Variants in UNC13C observed in about 807,000 individuals in gnomAD.
The protein encoded by UNC13C is unc-13 homolog C.
Under a neutral mutation model 245.4 loss-of-function variants are expected in UNC13C, and 174 were observed. The ratio of observed to expected loss-of-function variants is 0.71; its 90% CI spans 0.63 to 0.80. UNC13C has a LOEUF of 0.80. Ranked by LOEUF, UNC13C falls within the 30% of genes least tolerant of loss-of-function variation. The pLI, the probability that UNC13C is intolerant of heterozygous loss-of-function variation, is 0.00. For missense variants in UNC13C, 2,829 were observed against 2,602.9 expected (o/e 1.09, Z -1.89); for synonymous variants, 992 against 895.1 (o/e 1.11, Z -1.93).
At chr15:54,385,846 C>T (rs1171626933) in intron 17 of UNC13C, among the ~76,000 whole-genome samples, 1 of 151,850 alleles carries the variant, frequency 6.6e-6, no homozygotes, top group Non-Finnish European at 1.5e-5. Context: ...TATTATATAT[C>T]AATAAAAGGA....
intron 4 of UNC13C, among the ~76,000 whole-genome samples, chr15:54,153,193 C>G (rs1423698402): frequency 1.3e-5 from 2 of 152,032 alleles, no homozygotes; most frequent in African/African-American, 4.8e-5. Flanking sequence ...CAAAATCTAT[C>G]TAAGACTAGC....
intron 19 of UNC13C, among the ~76,000 whole-genome samples, chr15:54,447,814 A>G (rs1031198018): frequency 6.6e-6 from 1 of 152,126 alleles, no homozygotes; most frequent in Non-Finnish European, 1.5e-5. Context: ...GCCTTCTGCT[A>G]GCTTTTGAAT....
chr15:53,864,897 C>T, the UNC13C span, among the ~76,000 whole-genome samples: 7 of 152,232 alleles, frequency 4.6e-5, no homozygotes, highest in Non-Finnish European at 7.4e-5. Flanking sequence ...ATATTCTAGA[C>T]AAATCTGAGT....
Position 54,332,305 on chromosome 15 carries a change from C to CTGTGTGTGTGTGTG in UNC13C, c.4494+214_4494+227dup, listed in dbSNP as rs34179914. On this transcript the variant is annotated intron_variant, in intron 15 of 32. Coordinates refer to ENST00000260323, the MANE Select transcript of UNC13C (RefSeq NM_001080534.3). ...GCCCCACGTAGACTACAACAATACT[C>CTGTGTGTGTGTGTG]TGTGTGTGTGTGTGTGTGTGTGTGT... Among the ~76,000 whole-genome samples, 1,013 of 145,652 alleles carry CTGTGTGTGTGTGTG rather than the reference C, an allele frequency of 7.0e-3. 15 individuals are homozygous for CTGTGTGTGTGTGTG. The highest frequency in any genetic ancestry group is 0.024 in the African/African-American group (930 of 39,152).
chr15:54,011,897 T>C (rs1895396117), intron 1 of UNC13C, among the ~76,000 whole-genome samples: 1 of 152,202 alleles, frequency 6.6e-6, no homozygotes, highest in Non-Finnish European at 1.5e-5. Context: ...AGACAATCTG[T>C]AGTTTATGAT....
At chr15:54,591,047 G>A (rs1358511421) in intron 30 of UNC13C, among the ~76,000 whole-genome samples, 1 of 152,120 alleles carries the variant, frequency 6.6e-6, no homozygotes, top group African/African-American at 2.4e-5. Context: ...CTATTGAGAT[G>A]ATCATGTGAT....
At chr15:54,089,417 A>G (rs1258945835) in intron 2 of UNC13C, among the ~76,000 whole-genome samples, 2 of 152,154 alleles carry the variant, frequency 1.3e-5, no homozygotes, top group African/African-American at 4.8e-5. Flanking sequence ...CAGAATGGCC[A>G]GAGAAGCAAA....
intron 4 of UNC13C, among the ~76,000 whole-genome samples, chr15:54,215,764 G>A (rs1036605803): frequency 6.6e-6 from 1 of 151,870 alleles, no homozygotes; most frequent in Non-Finnish European, 1.5e-5. Context: ...AGCCCATTAA[G>A]GAATCCAGGA....
chr15:54,104,910 C>A (rs918087825), intron 2 of UNC13C, among the ~76,000 whole-genome samples: 4 of 152,074 alleles, frequency 2.6e-5, no homozygotes, highest in African/African-American at 9.7e-5. Context: ...GAGTTACACT[C>A]TGGGGTATTA....
At chr15:54,624,467 CATAG>C (rs1190643058) in intron 32 of UNC13C, among the ~76,000 whole-genome samples, 2 of 152,090 alleles carry the variant, frequency 1.3e-5, no homozygotes, top group Non-Finnish European at 1.5e-5. Flanking sequence ...AGCAGCACAT[CATAG>C]ATAAAGGAGT....
chr15:54,234,274 C>T (rs1428373990), intron 4 of UNC13C, among the ~76,000 whole-genome samples: 1 of 151,290 alleles, frequency 6.6e-6, no homozygotes, highest in African/African-American at 2.4e-5. Context: ...GTGTACTAAA[C>T]TTACTAATAC....
intron 30 of UNC13C, among the ~76,000 whole-genome samples, chr15:54,618,157 A>G (rs1900563102): frequency 6.6e-6 from 1 of 152,150 alleles, no homozygotes; most frequent in Non-Finnish European, 1.5e-5. Flanking sequence ...GTGCTTATTA[A>G]TCCCGTGTTA....
chr15:54,298,389 T>G (rs1435809799), intron 12 of UNC13C, among the ~76,000 whole-genome samples: 1 of 152,216 alleles, frequency 6.6e-6, no homozygotes, highest in African/African-American at 2.4e-5. Flanking sequence ...ACTCTATTTA[T>G]AACTAGAAAC....
the UNC13C span, among the ~76,000 whole-genome samples, chr15:53,950,940 G>C: frequency 4.6e-5 from 7 of 152,106 alleles, no homozygotes; most frequent in Non-Finnish European, 8.8e-5. Flanking sequence ...ATTACAAAGC[G>C]AAATGTAATA....
At chr15:54,466,759 C>T (rs557989152) in intron 19 of UNC13C, among the ~76,000 whole-genome samples, 2 of 151,854 alleles carry the variant, frequency 1.3e-5, no homozygotes, top group East Asian at 3.9e-4. Flanking sequence ...TTGATTTTCC[C>T]ATTTATTCCA....
chr15:54,097,829 T>C (rs1899951006), intron 2 of UNC13C, among the ~76,000 whole-genome samples: 1 of 152,244 alleles, frequency 6.6e-6, no homozygotes. Context: ...ATTCAGATCA[T>C]TGTTAGAATA....
At chr15:54,449,048 G>T (rs989064284) in intron 19 of UNC13C, among the ~76,000 whole-genome samples, 3 of 152,090 alleles carry the variant, frequency 2.0e-5, no homozygotes, top group Non-Finnish European at 2.9e-5. Context: ...TAGTTTGGCT[G>T]GATATGAAAT....
intron 10 of UNC13C, among the ~76,000 whole-genome samples, chr15:54,281,765 T>C (rs1203888249): frequency 3.9e-5 from 6 of 152,346 alleles, no homozygotes; most frequent in Admixed American, 2.0e-4. Flanking sequence ...GGTATCATTA[T>C]TATTATCACC....
chr15:53,938,663 C>T, the UNC13C span, among the ~76,000 whole-genome samples: 2 of 152,170 alleles, frequency 1.3e-5, no homozygotes, highest in African/African-American at 4.8e-5. Flanking sequence ...ATCCCTCAGA[C>T]CACAGCACAA....
Sources: allele counts gnomAD v4.1 joint callset (sites outside exome capture counted in the v4.1 genomes callset), GRCh38; gene constraint gnomAD v4.1.1; transcripts MANE v1.5; gene names NCBI Gene and HGNC (gene_info 2026-07-23, HGNC 2026-07-21).